The following DNAH9 variants were observed in gnomAD, a reference collection of about 807,000 sequenced individuals.
The protein encoded by DNAH9 is dynein axonemal heavy chain 9.
A neutral mutation model predicts 471.6 loss-of-function variants in DNAH9; 345 were observed. That is an observed-to-expected ratio of 0.73 (90% CI 0.67 to 0.80). DNAH9 has a LOEUF of 0.80. Ranked by LOEUF, DNAH9 falls within the 30% of genes least tolerant of loss-of-function variation. DNAH9 has a pLI of 0.00. For synonymous variants in DNAH9, 2,093 were observed against 2,123.6 expected (o/e 0.99, Z 0.40); for missense variants, 5,407 against 5,609.2 (o/e 0.96, Z 1.15).
intron 45 of DNAH9, among the ~76,000 whole-genome samples, chr17:11,812,889 C>T (rs1225412204): frequency 6.6e-6 from 1 of 152,166 alleles, no homozygotes; most frequent in African/African-American, 2.4e-5. Context: ...AAGGATCCAA[C>T]TTCCCTCCTA....
intron 25 of DNAH9, 75 bp from the exon 26 acceptor site, chr17:11,704,950 C>T (rs1279256573): frequency 3.2e-6 from 4 of 1,239,212 alleles, no homozygotes; most frequent in Non-Finnish European, 4.7e-6. Context: ...AGGCATCAGA[C>T]CCCTATGTGT....
At chr17:11,681,292 G>A (rs2074128876) in intron 19 of DNAH9, among the ~76,000 whole-genome samples, 1 of 152,170 alleles carries the variant, frequency 6.6e-6, no homozygotes, top group Non-Finnish European at 1.5e-5. Context: ...CATTTTGGCA[G>A]CATAAAGGAA....
chr17:11,813,671 C>T (rs1462261449), intron 45 of DNAH9, among the ~76,000 whole-genome samples: 1 of 152,148 alleles, frequency 6.6e-6, no homozygotes, highest in Non-Finnish European at 1.5e-5. Flanking sequence ...GATCTCATGC[C>T]CTGGGCGGAG....
Position 11,684,700 on chromosome 17 carries a change from G to A in DNAH9, c.3743+3811G>A, listed in dbSNP as rs142897823. ...TGAAGACCATTCGTGTTTTCAGCAG[G>A]CGACCAGATTCTATGAATGGCTGGG... On this transcript the variant is annotated intron_variant, in intron 19 of 68. Coordinates refer to ENST00000262442, the MANE Select transcript of DNAH9 (RefSeq NM_001372.4). Among the ~76,000 whole-genome samples, 63 of 152,276 alleles carry A rather than the reference G, an allele frequency of 4.1e-4. No homozygotes were observed. In the East Asian group the frequency reaches 0.012, roughly 29 times the overall value.
intron 48 of DNAH9, among the ~76,000 whole-genome samples, chr17:11,824,763 C>A (rs891987063): frequency 6.6e-6 from 1 of 151,968 alleles, no homozygotes; most frequent in Non-Finnish European, 1.5e-5. Flanking sequence ...TTATTTTGGC[C>A]TGTTTTTCTG....
chr17:11,822,065 A>G lies in DNAH9; in HGVS notation c.8850+3A>G. ...ATCGGATCCGGCGACAGCTGAAGGT[A>G]AAGAGCATTTACTGACAGGGGCAGG... is the stretch of plus-strand genomic sequence containing the variant. On this transcript the variant is annotated splice_donor_region_variant and intron_variant, in intron 46 of 68. Transcript: ENST00000262442. 1.2e-6 allele frequency: 2 copies of G among 1,609,680 alleles called. No individual in the cohort carries two copies. Among genetic ancestry groups the G allele is most frequent in the Non-Finnish European group, 1.7e-6 (2 of 1,178,632 alleles).
intron 43 of DNAH9, among the ~76,000 whole-genome samples, chr17:11,804,265 G>A (rs892187027): frequency 3.9e-5 from 6 of 152,132 alleles, no homozygotes; most frequent in African/African-American, 1.4e-4. Context: ...AATAACTCCT[G>A]AATATTTAAG....
At chr17:11,867,942 C>G (rs995324617) in intron 50 of DNAH9, among the ~76,000 whole-genome samples, 1 of 152,182 alleles carries the variant, frequency 6.6e-6, no homozygotes, top group African/African-American at 2.4e-5. Flanking sequence ...TTCAATCACA[C>G]CTGACATTTC....
In DNAH9 at chr17:11,690,266, C is replaced by CTGG. The variant is rs1227857919; in HGVS notation, c.4447_4449dup (p.Val1483dup). 1 of 1,614,200 alleles carries CTGG rather than the reference C, an allele frequency of 6.2e-7. No homozygotes were observed. The highest frequency in any genetic ancestry group is 2.2e-5 in the East Asian group (1 of 44,880). ...GGATAATCAAGTTCAACTTCAGAAC[C>CTGG]TGGTGATGTCCAAGTATGTTGCTTT... On this transcript the variant is annotated inframe_insertion, in exon 20 of 69. Coordinates refer to ENST00000262442, the MANE Select transcript of DNAH9 (RefSeq NM_001372.4).
rs1034990298 is a variant in DNAH9, at chr17:11,745,558, C to T, written c.6399+474C>T. 3.3e-5 allele frequency among the ~76,000 whole-genome samples: 5 copies of T among 152,076 alleles called. No individual in the cohort carries two copies. The East Asian group carries it at 9.6e-4, about 29-fold the overall frequency. ...AGGCTTACCAGATATTGAAGAAACC[C>T]GACAACACGCAAGATAAAGACAGAT... On this transcript the variant is annotated intron_variant, in intron 31 of 68. Transcript: ENST00000262442.
chr17:11,777,196 A>G (rs757315895), intron 38 of DNAH9, among the ~76,000 whole-genome samples: 2 of 152,202 alleles, frequency 1.3e-5, no homozygotes, highest in African/African-American at 2.4e-5. Context: ...GGTTATTGTA[A>G]TTAAACACAG....
chr17:11,757,775 C>A, intron 35 of DNAH9, 83 bp downstream of exon 35: 1 of 1,428,828 alleles, frequency 7.0e-7, no homozygotes, highest in Non-Finnish European at 9.5e-7. Context: ...TGCTGATGTT[C>A]TGTCCTGTCC....
At chr17:11,602,577 C>T (rs2072408911) in intron 1 of DNAH9, among the ~76,000 whole-genome samples, 1 of 152,212 alleles carries the variant, frequency 6.6e-6, no homozygotes, top group African/African-American at 2.4e-5. Context: ...CTGCTGCATC[C>T]TGTACAGATG....
At chr17:11,744,304 A>G (rs2075481251) in intron 30 of DNAH9, among the ~76,000 whole-genome samples, 2 of 151,654 alleles carry the variant, frequency 1.3e-5, no homozygotes, top group South Asian at 4.2e-4. Context: ...AGTGTGGTCC[A>G]CTCTCCCACA....
In DNAH9 at chr17:11,834,670, GGAAGTAGAGCT is replaced by G. The variant is rs775308961; in HGVS notation, c.9284_9294del (p.Val3095AlafsTer4). The G allele has an allele frequency of 6.2e-7, 1 of 1,614,010 alleles. No homozygotes were observed. Among genetic ancestry groups the G allele is most frequent in the Non-Finnish European group, 8.5e-7 (1 of 1,180,036 alleles). The stretch of plus-strand genomic sequence containing the variant: ...ATCTGAAAGCAAAGCTGGCTGCCCA[GGAAGTAGAGCT>G]GAAGCAGAAAAATGAAGATGCAGAC... On this transcript the variant is annotated frameshift_variant, in exon 49 of 69. Coordinates refer to ENST00000262442, the MANE Select transcript of DNAH9 (RefSeq NM_001372.4). LOFTEE classifies it high-confidence loss of function.
intron 50 of DNAH9, among the ~76,000 whole-genome samples, chr17:11,858,873 T>C (rs1402700679): frequency 6.6e-6 from 1 of 151,828 alleles, no homozygotes; most frequent in Non-Finnish European, 1.5e-5. Context: ...CACCTGAGGT[T>C]AGAAGTTCGA....
At position 11,703,809 on chromosome 17, in the gene DNAH9, G is replaced by A. The variant is rs146870376; in HGVS notation, c.5152-394G>A. On this transcript the variant is annotated intron_variant, in intron 24 of 68. Coordinates refer to ENST00000262442, the MANE Select transcript of DNAH9 (RefSeq NM_001372.4). The stretch of plus-strand genomic sequence containing the variant: ...TAAATTAGGTTGTCAGACCACAGAG[G>A]AGCAGAAGACTGGGTGTCATTGGGA... 2.0e-4 allele frequency among the ~76,000 whole-genome samples: 30 copies of A among 152,264 alleles called. No homozygotes were observed. The East Asian group carries it at 5.8e-3, about 29-fold the overall frequency.
chr17:11,615,746 G>A lies in DNAH9; in HGVS notation c.905-1665G>A, dbSNP rs531383317. ...GCAATGCTAATTAGTATAATTAAAA[G>A]AGATTGTGATTTTTAAAAAGATTTC... On this transcript the variant is annotated intron_variant, in intron 4 of 68. Transcript: ENST00000262442. Among the ~76,000 whole-genome samples, 15 of 152,286 alleles carry A rather than the reference G, an allele frequency of 9.8e-5. No homozygotes were observed. The East Asian group carries it at 2.9e-3, about 29-fold the overall frequency.
intron 3 of DNAH9, 88 bp downstream of exon 3, chr17:11,610,642 G>A: frequency 3.1e-6 from 4 of 1,287,166 alleles, no homozygotes; most frequent in Non-Finnish European, 4.3e-6. Flanking sequence ...AGCCACCATT[G>A]AGCCTATTCT....
Sources: allele counts gnomAD v4.1 joint callset (sites outside exome capture counted in the v4.1 genomes callset), GRCh38; gene constraint gnomAD v4.1.1; transcripts MANE v1.5; gene names NCBI Gene and HGNC (gene_info 2026-07-23, HGNC 2026-07-21).